SLC24A2: variants seen among roughly 807,000 people sequenced by gnomAD.
SLC24A2 encodes the protein solute carrier family 24 member 2.
Under a neutral mutation model 62.0 loss-of-function variants are expected in SLC24A2, and 36 were observed. That is an observed-to-expected ratio of 0.58 (90% confidence interval 0.44 to 0.77). The LOEUF is 0.77. Among genes scored for constraint, SLC24A2 ranks in the 30% least tolerant of loss-of-function variants. SLC24A2 has a pLI of 0.00. For missense variants in SLC24A2, 846 were observed against 817.9 expected, an observed-to-expected ratio of 1.03 and a Z score of -0.42; for synonymous variants, 358 against 294.0, an observed-to-expected ratio of 1.22 and a Z score of -2.23.
chr9:19,704,487 AT>A (rs147681584), intron 2 of SLC24A2, among the ~76,000 whole-genome samples: 1 of 152,126 alleles, frequency 6.6e-6, no homozygotes, highest in Non-Finnish European at 1.5e-5. Flanking sequence ...AATTATTTAA[AT>A]TTTTTTCCTG....
chr9:19,709,680 T>G (rs1041820913), intron 2 of SLC24A2, among the ~76,000 whole-genome samples: 1 of 145,130 alleles, frequency 6.9e-6, no homozygotes, highest in Non-Finnish European at 1.5e-5. Flanking sequence ...CCGCATGTTC[T>G]CACTCATAGG....
At chr9:20,028,851 C>G in the SLC24A2 span, among the ~76,000 whole-genome samples, 1 of 152,348 alleles carries the variant, frequency 6.6e-6, no homozygotes, top group African/African-American at 2.4e-5. Context: ...CACTCATTCT[C>G]TTTAAACAAC....
the SLC24A2 span, among the ~76,000 whole-genome samples, chr9:19,871,602 G>A: frequency 6.6e-6 from 1 of 152,210 alleles, no homozygotes; most frequent in African/African-American, 2.4e-5. Context: ...ATGTGTGTGT[G>A]CATGTGTGTA....
At chr9:20,039,045 T>C in the SLC24A2 span, among the ~76,000 whole-genome samples, 1 of 152,120 alleles carries the variant, frequency 6.6e-6, no homozygotes, top group Non-Finnish European at 1.5e-5. Context: ...AGAGAACAGA[T>C]GTTAAAACTT....
At chr9:19,795,128 C>G in the SLC24A2 span, among the ~76,000 whole-genome samples, 2 of 152,186 alleles carry the variant, frequency 1.3e-5, no homozygotes, top group Non-Finnish European at 2.9e-5. Flanking sequence ...TTTCCCAGCT[C>G]GGTTGTGGAG....
chr9:20,160,927 ATTAAG>A, the SLC24A2 span, among the ~76,000 whole-genome samples: 5 of 151,160 alleles, frequency 3.3e-5, no homozygotes, highest in Non-Finnish European at 7.4e-5. Context: ...AAACCTATAG[ATTAAG>A]TTAATATATC....
chr9:20,044,565 T>C, the SLC24A2 span, among the ~76,000 whole-genome samples: 6 of 152,296 alleles, frequency 3.9e-5, no homozygotes, highest in Non-Finnish European at 7.4e-5. Context: ...AGGTGGAAGA[T>C]TCTGGGCTTG....
intron 2 of SLC24A2, among the ~76,000 whole-genome samples, chr9:19,691,084 G>A (rs968598326): frequency 1.3e-5 from 2 of 152,152 alleles, no homozygotes; most frequent in Non-Finnish European, 2.9e-5. Context: ...TCCAGCACAA[G>A]GTGTTCCACT....
At chr9:19,750,444 GTCA>G (rs1821950013) in intron 2 of SLC24A2, among the ~76,000 whole-genome samples, 1 of 151,976 alleles carries the variant, frequency 6.6e-6, no homozygotes, top group Admixed American at 6.6e-5. Flanking sequence ...AAGTCTCCAA[GTCA>G]TCTCCAAATG....
the SLC24A2 span, among the ~76,000 whole-genome samples, chr9:20,191,798 A>G: frequency 1.2e-4 from 19 of 152,174 alleles, no homozygotes; most frequent in Non-Finnish European, 1.6e-4. Flanking sequence ...ATAGATCATA[A>G]AAGAAATTTG....
rs190141156 is a variant in SLC24A2, at chr9:19,586,080, A to C, written c.1130-9058T>G. ...TTCTTATCTGTCTTATTTCTTTTTA[A>C]GAAACTTAAGGAATTTGTCTTATTC... On this transcript the variant is annotated intron_variant, in intron 5 of 10. Coordinates refer to ENST00000341998, the MANE Select transcript of SLC24A2 (RefSeq NM_020344.4). 9.2e-5 allele frequency among the ~76,000 whole-genome samples: 14 copies of C among 152,308 alleles called. No homozygotes were observed. The East Asian group carries it at 2.1e-3, about 23-fold the overall frequency.
chr9:20,252,680 T>C, the SLC24A2 span, among the ~76,000 whole-genome samples: 1 of 152,222 alleles, frequency 6.6e-6, no homozygotes, highest in Non-Finnish European at 1.5e-5. Flanking sequence ...TTTGGATGAA[T>C]TGAACTGGTT....
chr9:20,040,026 T>C, the SLC24A2 span, among the ~76,000 whole-genome samples: 1 of 152,234 alleles, frequency 6.6e-6, no homozygotes, highest in Non-Finnish European at 1.5e-5. Flanking sequence ...TAACTTTTGA[T>C]TATAAAATAA....
chr9:19,704,921 AGTG>A (rs1020509544), intron 2 of SLC24A2, among the ~76,000 whole-genome samples: 25 of 151,572 alleles, frequency 1.6e-4, no homozygotes, highest in Non-Finnish European at 3.4e-4. Context: ...AAGTATTTCT[AGTG>A]GTATTACTCT....
chr9:19,859,236 T>C, the SLC24A2 span, among the ~76,000 whole-genome samples: 1 of 152,064 alleles, frequency 6.6e-6, no homozygotes, highest in Admixed American at 6.5e-5. Context: ...TTAAGCAAAA[T>C]AACACAGGAA....
At chr9:19,521,442 T>G (rs141863336) in intron 9 of SLC24A2, among the ~76,000 whole-genome samples, 129 of 152,328 alleles carry the variant, frequency 8.5e-4, no homozygotes, top group African/African-American at 2.7e-3. Context: ...TGTGGAAGAT[T>G]TGCCCTTCAA....
chr9:19,918,342 G>C, the SLC24A2 span, among the ~76,000 whole-genome samples: 2 of 135,990 alleles, frequency 1.5e-5, no homozygotes, highest in Middle Eastern at 4.4e-3. Flanking sequence ...TTTTGTTGTT[G>C]TTTTGTGCTA....
At chr9:19,757,707 C>T (rs962322570) in intron 2 of SLC24A2, among the ~76,000 whole-genome samples, 1 of 152,120 alleles carries the variant, frequency 6.6e-6, no homozygotes, top group Non-Finnish European at 1.5e-5. Flanking sequence ...TTTGTCTTCA[C>T]CAAAATTCAC....
chr9:19,735,507 G>A (rs1298670308), intron 2 of SLC24A2, among the ~76,000 whole-genome samples: 2 of 152,060 alleles, frequency 1.3e-5, no homozygotes, highest in African/African-American at 2.4e-5. Flanking sequence ...CCATTACTGG[G>A]TATATACCCA....
Sources: gnomAD v4.1 joint callset for allele counts (sites outside exome capture counted in the v4.1 genomes callset) on GRCh38, gnomAD v4.1.1 for gene constraint, MANE v1.5 for transcripts, NCBI Gene and HGNC (gene_info 2026-07-23, HGNC 2026-07-21) for gene names.